The following CSAD variants were observed in gnomAD, a reference collection of about 807,000 sequenced individuals.
The protein encoded by CSAD is P-selectin cytoplasmic tail-associated protein.
CSAD carries 47 observed loss-of-function variants against 61.5 expected under a neutral mutation model. The observed-to-expected ratio is 0.76, with a 90% CI of 0.60 to 0.97. The LOEUF is 0.97. Ranked by LOEUF, CSAD falls within the 50% of genes least tolerant of loss-of-function variation. The pLI is 0.00. For synonymous variants in CSAD, 245 were observed against 252.7 expected, an observed-to-expected ratio of 0.97 and a Z score of 0.29; for missense variants, 611 against 643.6, an observed-to-expected ratio of 0.95 and a Z score of 0.55.
In CSAD at chr12:53,171,742, C is replaced by T. The variant is rs1183276156; in HGVS notation, c.451+140G>A. 86 of 656,524 alleles carry T rather than the reference C, an allele frequency of 1.3e-4. No homozygotes were observed. The East Asian group carries it at 2.3e-3, about 18-fold the overall frequency. 40.7% of individuals were successfully genotyped at this position (656,524 alleles called of 1,614,324 possible). A position where few individuals can be genotyped will look rare whatever the true frequency, so the allele number is the denominator to read the frequency against. ...GAGCATGAAGGGACCAGGCAGCCGCCTCCCTGGCCTGGCCTGGGTCCAGCT... is the reference window on the plus strand; with the variant it reads ...GAGCATGAAGGGACCAGGCAGCCGCTTCCCTGGCCTGGCCTGGGTCCAGCT... On this transcript the variant is annotated intron_variant, in intron 7 of 16. Coordinates refer to ENST00000444623, the MANE Select transcript of CSAD (RefSeq NM_001244705.2).
intron 14 of CSAD, 55 bp downstream of exon 14, chr12:53,160,065 G>T (rs1042469084): frequency 6.2e-7 from 1 of 1,605,198 alleles, no homozygotes; most frequent in African/African-American, 1.3e-5. Flanking sequence ...AAAGAGGGAG[G>T]GGCATGGACC....
At chr12:53,160,043 C>A in intron 14 of CSAD, 77 bp downstream of exon 14, 6 of 1,603,252 alleles carry the variant, frequency 3.7e-6, no homozygotes, top group Non-Finnish European at 5.1e-6. Flanking sequence ...GAAAAGTAAT[C>A]CCGGGAGCAG....
chr12:53,180,740 C>T lies in CSAD; in HGVS notation c.-99G>A, dbSNP rs1052037835. Reference sequence around the variant, plus strand: ...GGTGTTTGTAAACTTGCCTCGGTCCCGGTGGGGGCAGCCGCGGCGGTGGGG... The same window carrying T: ...GGTGTTTGTAAACTTGCCTCGGTCCTGGTGGGGGCAGCCGCGGCGGTGGGG... On this transcript the variant is annotated 5_prime_UTR_variant, in exon 1 of 17. Transcript: ENST00000444623. 8.7e-6 allele frequency: 11 copies of T among 1,263,510 alleles called. No individual in the cohort carries two copies. The highest frequency in any genetic ancestry group is 1.1e-5 in the Non-Finnish European group (11 of 976,484). 78.3% of individuals were successfully genotyped at this position (1,263,510 alleles called of 1,614,324 possible). A position where few individuals can be genotyped will look rare whatever the true frequency, so the allele number is the denominator to read the frequency against.
upstream of CSAD, chr12:53,181,037 C>G (rs1381488729): frequency 1.1e-6 from 1 of 884,196 alleles, no homozygotes; most frequent in Admixed American, 6.0e-5. Flanking sequence ...CGCCGCGTCC[C>G]CGGCCCGGGA....
chr12:53,163,986 C>A (rs951232664), intron 10 of CSAD, among the ~76,000 whole-genome samples: 1 of 152,264 alleles, frequency 6.6e-6, no homozygotes, highest in East Asian at 1.9e-4. Flanking sequence ...ACAAGGATGC[C>A]AAGACAATTT....
At chr12:53,181,102 A>T, upstream of CSAD, 1 of 938,902 alleles carries the variant, frequency 1.1e-6, no homozygotes, top group Non-Finnish European at 1.3e-6. Flanking sequence ...GCTTCTCGGC[A>T]CTCTCCGGCT....
intron 3 of CSAD, 123 bp from the exon 4 acceptor site, chr12:53,173,599 T>C: frequency 2.6e-6 from 4 of 1,557,802 alleles, no homozygotes; most frequent in Non-Finnish European, 3.5e-6. Flanking sequence ...CGGCCTCCAG[T>C]GCACAGACAA....
chr12:53,171,233 A>G, intron 8 of CSAD, 93 bp downstream of exon 8: 1 of 1,582,992 alleles, frequency 6.3e-7, no homozygotes, highest in Non-Finnish European at 8.6e-7. Context: ...TGGAGGATGT[A>G]GGGAGGGCAG....
chr12:53,171,384 T>A lies in CSAD; in HGVS notation c.509A>T (p.Asp170Val), dbSNP rs1940557820. Residue 170 changes from aspartate to valine, a missense_variant, in exon 8 of 17, where the codon GAT (aspartate) becomes GTT (valine). Physicochemically the swap from Asp to Val is radical, Grantham distance 152. Coordinates refer to ENST00000444623, the MANE Select transcript of CSAD (RefSeq NM_001244705.2). The stretch of plus-strand genomic sequence containing the variant: ...TGTGCGGAGGCCCCTCTGCTTGCAA[T>A]CCGGGTAGCGCTGATAGCGGGCCAG... The part of the protein sequence containing the change: ...VNLARYQRYP[D>V]CKQRGLRTLP... The A allele has an allele frequency of 5.6e-6, 9 of 1,613,842 alleles. No individual in the cohort carries two copies. The highest frequency in any genetic ancestry group is 1.7e-5 in the Admixed American group (1 of 59,994).
At chr12:53,160,434 G>A (rs1407317530) in intron 13 of CSAD, 115 bp from the exon 14 acceptor site, 4 of 1,063,830 alleles carry the variant, frequency 3.8e-6, no homozygotes, top group African/African-American at 1.6e-5. Flanking sequence ...GGAGCCAGAT[G>A]GCACTGCTGG....
upstream of CSAD, chr12:53,181,078 C>G (rs563730846): frequency 1.2e-6 from 1 of 852,890 alleles, no homozygotes; most frequent in East Asian, 1.2e-4. Flanking sequence ...CGGGCGCGAG[C>G]ACGCATCTCG....
rs1938999968 is a variant in CSAD, at chr12:53,159,568, C to T, written c.1308+55G>A. ...ACTCCCAGCCAACAGGGGGCAGAAGCGCATCAGTTGCATCAGCTCCCTAAC... is the reference window on the plus strand; with the variant it reads ...ACTCCCAGCCAACAGGGGGCAGAAGTGCATCAGTTGCATCAGCTCCCTAAC... On this transcript the variant is annotated intron_variant, in intron 16 of 16. Transcript: ENST00000444623. The T allele has an allele frequency of 4.8e-6, 7 of 1,465,428 alleles. No individual in the cohort carries two copies. The South Asian group carries it at 4.8e-5, about 10-fold the overall frequency. The allele number at this position is 1,465,428 out of a possible 1,614,324, so 90.8% of individuals were successfully genotyped here.
At chr12:53,180,128 C>A in intron 1 of CSAD, 2 of 1,285,808 alleles carry the variant, frequency 1.6e-6, no homozygotes, top group Non-Finnish European at 2.0e-6. Flanking sequence ...AAGGGCTACT[C>A]AAGGAACGCC....
At chr12:53,179,976 T>C in intron 1 of CSAD, 1 of 1,511,690 alleles carries the variant, frequency 6.6e-7, no homozygotes, top group Non-Finnish European at 8.8e-7. Flanking sequence ...TCAGGGTCTT[T>C]TCCACGTGTG....
chr12:53,159,934 G>A lies in CSAD; in HGVS notation c.1171C>T (p.Leu391=). Residue 391 remains leucine, a synonymous_variant, in exon 15 of 17, where the codon CTG becomes TTG. Coordinates refer to ENST00000444623, the MANE Select transcript of CSAD (RefSeq NM_001244705.2). ...TCCCGCTTCTTCATTTCCTCCACCA[G>A]GTACCTGTGAACAGAGAGTGAGAAA... The part of the protein sequence containing the change: ...IDQAFVLARY[L]VEEMKKREGF... 1 of 1,606,468 alleles carries A rather than the reference G, an allele frequency of 6.2e-7. No individual in the cohort carries two copies. Among genetic ancestry groups the A allele is most frequent in the Non-Finnish European group, 8.5e-7 (1 of 1,175,792 alleles).
rs1446691367 is a variant in CSAD at position 53,159,721 on chromosome 12, A to G, written c.1219-9T>C. Reference sequence around the variant, plus strand: ...ACATTGACAAACTCAGGCTGAGAGGAATGAGAAAGAGGAAGGTGTGAGCTG... The same window carrying G: ...ACATTGACAAACTCAGGCTGAGAGGGATGAGAAAGAGGAAGGTGTGAGCTG... On this transcript the variant is annotated splice_polypyrimidine_tract_variant and intron_variant, in intron 15 of 16. Coordinates refer to ENST00000444623, the MANE Select transcript of CSAD (RefSeq NM_001244705.2). 1 of 1,603,406 alleles carries G rather than the reference A, an allele frequency of 6.2e-7. No individual in the cohort carries two copies. The highest frequency in any genetic ancestry group is 1.3e-5 in the African/African-American group (1 of 74,896).
intron 1 of CSAD, chr12:53,179,788 G>A (rs768718203): frequency 6.2e-7 from 1 of 1,612,944 alleles, no homozygotes; most frequent in South Asian, 1.1e-5. Flanking sequence ...GCAGAAATGA[G>A]GACTTCAGTG....
At chr12:53,173,861 C>G (rs2121514965) in intron 2 of CSAD, 91 bp from the exon 3 acceptor site, 1 of 1,290,306 alleles carries the variant, frequency 7.8e-7, no homozygotes, top group East Asian at 2.5e-5. Flanking sequence ...GTTGTTGCAA[C>G]CATCATCACT....
chr12:53,174,705 C>T (rs1940971397), intron 2 of CSAD, among the ~76,000 whole-genome samples: 1 of 152,024 alleles, frequency 6.6e-6, no homozygotes. Context: ...GAGGCAGGAT[C>T]CACCTGAACC....
Sources: gnomAD v4.1 joint callset for allele counts (sites outside exome capture counted in the v4.1 genomes callset) on GRCh38, gnomAD v4.1.1 for gene constraint, MANE v1.5 for transcripts, NCBI Gene and HGNC (gene_info 2026-07-23, HGNC 2026-07-21) for gene names.